The following USP47 variants were observed in gnomAD, a reference collection of about 807,000 sequenced individuals.
USP47 encodes the protein ubiquitin carboxyl-terminal hydrolase 47.
A neutral mutation model predicts 165.1 loss-of-function variants in USP47; 35 were observed. The observed-to-expected ratio is 0.21, with a 90% CI of 0.16 to 0.28. USP47 has a LOEUF of 0.28. Ranked by LOEUF, USP47 falls within the 10% of genes least tolerant of loss-of-function variation. USP47 has a pLI of 1.00. For missense variants in USP47, 1,277 were observed against 1,607.4 expected (o/e 0.79, Z 3.52); for synonymous variants, 531 against 544.5 (o/e 0.98, Z 0.35).
chr11:11,937,267 T>G (rs974525968), intron 17 of USP47, among the ~76,000 whole-genome samples: 2 of 151,900 alleles, frequency 1.3e-5, no homozygotes, highest in Non-Finnish European at 2.9e-5. Context: ...ATCCATACTG[T>G]TTTGTCTTGG....
At chr11:11,850,364 T>C (rs927179860) in intron 1 of USP47, among the ~76,000 whole-genome samples, 1 of 151,702 alleles carries the variant, frequency 6.6e-6, no homozygotes, top group African/African-American at 2.4e-5. Context: ...GTTTTTCTAC[T>C]AAGTTCTTAT....
chr11:11,910,414 A>G (rs534537667), intron 8 of USP47, among the ~76,000 whole-genome samples: 6 of 152,266 alleles, frequency 3.9e-5, no homozygotes, highest in Admixed American at 2.0e-4. Flanking sequence ...AGCAAGCCAG[A>G]AAACTTTTAG....
At position 11,950,420 on chromosome 11, in the gene USP47, A is replaced by G; in HGVS notation, c.3521A>G (p.His1174Arg). 2 of 1,607,806 alleles carry G rather than the reference A, an allele frequency of 1.2e-6. No homozygotes were observed. The highest frequency in any genetic ancestry group is 1.3e-5 in the African/African-American group (1 of 74,708). ...CCTGGCACTGTCTTTTTGGATTATC[A>G]TATTTATGAAGAAGATATTAATATT... ...KNPGTVFLDY[H>R]IYEEDINISS... The change falls in exon 24 of 28, where the codon CAT becomes CGT. Residue 1174 changes from histidine (H) to arginine (R), a missense_variant. His to Arg is a conservative substitution (Grantham distance 29). Transcript: ENST00000527733.
Position 11,956,176 on chromosome 11 carries a change from C to T in USP47, c.*1C>T. ...AAATAAAGATCTGACTCAAGACTGA[C>T]TCTGATAGTGTAGCATTTTCCCTGG... is the stretch of plus-strand genomic sequence containing the variant. On this transcript the variant is annotated 3_prime_UTR_variant, in exon 28 of 28. Transcript: ENST00000527733. 1 of 1,613,732 alleles carries T rather than the reference C, an allele frequency of 6.2e-7. No homozygotes were observed. Among genetic ancestry groups the T allele is most frequent in the East Asian group, 2.2e-5 (1 of 44,858 alleles).
At chr11:11,877,596 A>G (rs1334287170) in intron 1 of USP47, among the ~76,000 whole-genome samples, 2 of 152,228 alleles carry the variant, frequency 1.3e-5, no homozygotes, top group South Asian at 2.1e-4. Context: ...AATAGAATTT[A>G]TTAAGTAAAT....
intron 1 of USP47, among the ~76,000 whole-genome samples, chr11:11,860,742 T>A (rs553742046): frequency 6.6e-6 from 1 of 152,222 alleles, no homozygotes; most frequent in East Asian, 1.9e-4. Flanking sequence ...ACAGAAATAG[T>A]AAAGGACGTA....
intron 8 of USP47, among the ~76,000 whole-genome samples, chr11:11,915,319 A>G (rs1466433062): frequency 6.6e-6 from 1 of 152,178 alleles, no homozygotes; most frequent in Non-Finnish European, 1.5e-5. Flanking sequence ...AACCATTACC[A>G]GGTCTTACGG....
At chr11:11,882,002 C>T (rs1339823721) in intron 2 of USP47, among the ~76,000 whole-genome samples, 2 of 152,110 alleles carry the variant, frequency 1.3e-5, no homozygotes, top group Admixed American at 6.6e-5. Context: ...ATCTCATCTG[C>T]GTTATTAGAA....
At chr11:11,850,152 A>G (rs2134133279) in intron 1 of USP47, among the ~76,000 whole-genome samples, 1 of 152,144 alleles carries the variant, frequency 6.6e-6, no homozygotes, top group African/African-American at 2.4e-5. Context: ...TTTATCTCAT[A>G]AATTCTGCAA....
At chr11:11,920,884 T>C (rs780889903) in intron 10 of USP47, among the ~76,000 whole-genome samples, 2 of 151,874 alleles carry the variant, frequency 1.3e-5, no homozygotes, top group Non-Finnish European at 3.0e-5. Context: ...ACAATGCCTA[T>C]GATGGAATGA....
intron 17 of USP47, among the ~76,000 whole-genome samples, chr11:11,937,419 G>C (rs923374995): frequency 2.0e-5 from 3 of 151,716 alleles, no homozygotes; most frequent in African/African-American, 7.3e-5. Context: ...TTAAATGAAG[G>C]CCTCTGTTTA....
intron 8 of USP47, among the ~76,000 whole-genome samples, chr11:11,911,940 C>G (rs1219967197): frequency 1.3e-5 from 2 of 151,870 alleles, no homozygotes; most frequent in African/African-American, 4.8e-5. Context: ...ACAGGAATAT[C>G]ACAAAACACT....
At chr11:11,852,645 C>A (rs1848792441) in intron 1 of USP47, among the ~76,000 whole-genome samples, 1 of 152,150 alleles carries the variant, frequency 6.6e-6, no homozygotes, top group Non-Finnish European at 1.5e-5. Flanking sequence ...ATTCAGCCTT[C>A]CTAGTTGTAA....
At chr11:11,934,826 T>C (rs1402529594) in intron 16 of USP47, among the ~76,000 whole-genome samples, 3 of 152,082 alleles carry the variant, frequency 2.0e-5, no homozygotes, top group African/African-American at 7.2e-5. Context: ...ATATAAGTTT[T>C]CCCCTTTCCA....
chr11:11,914,171 A>C (rs1590364825), intron 8 of USP47, among the ~76,000 whole-genome samples: 1 of 152,168 alleles, frequency 6.6e-6, no homozygotes, highest in South Asian at 2.1e-4. Context: ...ATATGGCTAT[A>C]GTAATCAAGA....
chr11:11,884,441 T>C, intron 2 of USP47, 26 bp from the exon 3 acceptor site: 2 of 1,486,272 alleles, frequency 1.3e-6, no homozygotes, highest in Non-Finnish European at 1.8e-6. Flanking sequence ...TCTCATAATC[T>C]GAAACATTAT....
At chr11:11,892,829 AAAAAAG>A (rs1214629614) in intron 4 of USP47, among the ~76,000 whole-genome samples, 11 of 144,446 alleles carry the variant, frequency 7.6e-5, no homozygotes, top group South Asian at 6.6e-4. Context: ...AAAAAAAAAA[AAAAAAG>A]AAAAAGAAAA....
At chr11:11,948,870 A>C in intron 22 of USP47, 1 of 227,164 alleles carries the variant, frequency 4.4e-6, no homozygotes, top group Non-Finnish European at 8.6e-6. Context: ...TGTTGCTACA[A>C]ATGCTGAAAT....
Position 11,956,243 on chromosome 11 carries a change from A to G in USP47, c.*68A>G, listed in dbSNP as rs1564898605. 2 of 1,580,466 alleles carry G rather than the reference A, an allele frequency of 1.3e-6. No individual in the cohort carries two copies. The highest frequency in any genetic ancestry group is 4.5e-5 in the East Asian group (2 of 44,414). ...ATTAGATGGTTCACTACCACTGGGT[A>G]GTGCCATTTTGGCCGGACATGGTTG... is the stretch of plus-strand genomic sequence containing the variant. On this transcript the variant is annotated 3_prime_UTR_variant, in exon 28 of 28. Coordinates refer to ENST00000527733, the MANE Select transcript of USP47 (RefSeq NM_001282659.2).
Sources: allele counts gnomAD v4.1 joint callset (sites outside exome capture counted in the v4.1 genomes callset), GRCh38; gene constraint gnomAD v4.1.1; transcripts MANE v1.5; gene names NCBI Gene and HGNC (gene_info 2026-07-23, HGNC 2026-07-21).